Variants in FANK1 observed in about 807,000 individuals in gnomAD.
FANK1 encodes the protein fibronectin type III and ankyrin repeat domains 1.
In FANK1, 44 loss-of-function variants were observed where a neutral mutation model predicts 45.3. The ratio of observed to expected loss-of-function variants is 0.97; its 90% CI spans 0.76 to 1.25. The LOEUF is 1.25. FANK1 is among the 50% of genes most tolerant of loss of function. FANK1 has a pLI of 0.00. For missense variants in FANK1, 391 were observed against 424.4 expected (o/e 0.92, Z 0.69); for synonymous variants, 149 against 152.5 (o/e 0.98, Z 0.17).
intron 1 of FANK1, among the ~76,000 whole-genome samples, chr10:125,898,481 G>A (rs1341853253): frequency 6.6e-6 from 1 of 152,142 alleles, no homozygotes; most frequent in Non-Finnish European, 1.5e-5. Flanking sequence ...GTAGTACTGG[G>A]TCTGCAGAAT....
chr10:125,953,772 C>G (rs902977393), intron 1 of FANK1, among the ~76,000 whole-genome samples: 5 of 152,140 alleles, frequency 3.3e-5, no homozygotes, highest in Non-Finnish European at 1.5e-5. Flanking sequence ...GGGTTCAGGT[C>G]CTGGCCCTGC....
At chr10:125,985,659 A>G (rs191974961) in intron 2 of FANK1, among the ~76,000 whole-genome samples, 7 of 152,264 alleles carry the variant, frequency 4.6e-5, no homozygotes, top group Admixed American at 3.9e-4. Flanking sequence ...TGCATGACAA[A>G]CCAGCCCCAG....
chr10:126,009,505 G>A lies in FANK1; in HGVS notation c.*67G>A, dbSNP rs1953509604. 6.5e-7 allele frequency: 1 copy of A among 1,533,012 alleles called. No homozygotes were observed. The highest frequency in any genetic ancestry group is 1.4e-5 in the African/African-American group (1 of 72,364). 95.0% of individuals were successfully genotyped at this position (1,533,012 alleles called of 1,614,324 possible). ...GAACCGTGACTGTTAAACTAGGGATGGGAAATTCTGCATCTTGGGGGGCTG... is the reference window on the plus strand; with the variant it reads ...GAACCGTGACTGTTAAACTAGGGATAGGAAATTCTGCATCTTGGGGGGCTG... On this transcript the variant is annotated 3_prime_UTR_variant, in exon 11 of 11. Coordinates refer to ENST00000368693, the MANE Select transcript of FANK1 (RefSeq NM_145235.5).
At chr10:125,999,533 T>C (rs1474723896) in intron 6 of FANK1, among the ~76,000 whole-genome samples, 1 of 152,206 alleles carries the variant, frequency 6.6e-6, no homozygotes, top group African/African-American at 2.4e-5. Flanking sequence ...GATTGCAGCA[T>C]ACCAAGGTTT....
At chr10:126,004,177 AAAAG>A (rs1244289465) in intron 6 of FANK1, 5 of 150,762 alleles carry the variant, frequency 3.3e-5, no homozygotes, top group Admixed American at 6.6e-5. Flanking sequence ...AAAAAAAAAA[AAAAG>A]AAAATATTTA....
intron 2 of FANK1, among the ~76,000 whole-genome samples, chr10:125,986,489 G>T (rs1951565877): frequency 6.6e-6 from 1 of 152,172 alleles, no homozygotes; most frequent in Non-Finnish European, 1.5e-5. Flanking sequence ...GAATTATGAT[G>T]TTAGAGTTGT....
intron 1 of FANK1, among the ~76,000 whole-genome samples, chr10:125,945,043 T>C (rs1948686075): frequency 6.6e-6 from 1 of 152,218 alleles, no homozygotes; most frequent in African/African-American, 2.4e-5. Flanking sequence ...TAATACTGTA[T>C]GTTCCTTCTT....
chr10:126,003,542 A>AT (rs1253283287), intron 6 of FANK1, among the ~76,000 whole-genome samples: 3 of 151,482 alleles, frequency 2.0e-5, no homozygotes, highest in Admixed American at 6.6e-5. Flanking sequence ...AGGTTTCATT[A>AT]TTTTTTTTAG....
intron 6 of FANK1, among the ~76,000 whole-genome samples, chr10:125,997,936 A>G (rs1314147505): frequency 6.6e-6 from 1 of 152,254 alleles, no homozygotes; most frequent in Non-Finnish European, 1.5e-5. Flanking sequence ...AGAGACACCA[A>G]GAGCACTTTC....
intron 1 of FANK1, among the ~76,000 whole-genome samples, chr10:125,948,151 A>G (rs1948944401): frequency 6.8e-6 from 1 of 147,450 alleles, no homozygotes; most frequent in Non-Finnish European, 1.5e-5. Context: ...AAATGCCCAC[A>G]AGAGAAAGCA....
chr10:125,981,303 T>C (rs1951194843), intron 2 of FANK1, among the ~76,000 whole-genome samples: 1 of 152,040 alleles, frequency 6.6e-6, no homozygotes, highest in African/African-American at 2.4e-5. Context: ...AACCTGGATG[T>C]TCAAGACCAG....
chr10:125,951,205 A>G (rs1315990072), intron 1 of FANK1, among the ~76,000 whole-genome samples: 1 of 151,536 alleles, frequency 6.6e-6, no homozygotes, highest in East Asian at 1.9e-4. Flanking sequence ...TAACCTGCAC[A>G]ATGTGCACAT....
At chr10:125,911,401 A>G (rs550276632) in intron 1 of FANK1, among the ~76,000 whole-genome samples, 3 of 152,336 alleles carry the variant, frequency 2.0e-5, no homozygotes, top group Non-Finnish European at 2.9e-5. Context: ...CTGGGCTCAT[A>G]ATAAGATAAG....
At chr10:125,961,385 C>G (rs1247012958) in intron 1 of FANK1, among the ~76,000 whole-genome samples, 2 of 152,158 alleles carry the variant, frequency 1.3e-5, no homozygotes, top group African/African-American at 2.4e-5. Flanking sequence ...GCTGGGATTA[C>G]AGGCATGAGC....
intron 1 of FANK1, among the ~76,000 whole-genome samples, chr10:125,918,149 C>T (rs1946610064): frequency 6.6e-6 from 1 of 152,306 alleles, no homozygotes; most frequent in Non-Finnish European, 1.5e-5. Flanking sequence ...GGGCTTATTG[C>T]TTACTGGGTA....
chr10:125,995,562 A>G (rs1222700822), intron 4 of FANK1, 64 bp downstream of exon 4: 1 of 1,469,182 alleles, frequency 6.8e-7, no homozygotes, highest in Non-Finnish European at 9.5e-7. Flanking sequence ...AAATACATGC[A>G]GTAGTTTCAT....
At position 125,988,579 on chromosome 10, in the gene FANK1, G is replaced by A. The variant is rs1951718920; in HGVS notation, c.220G>A (p.Gly74Ser). 6.2e-7 allele frequency: 1 copy of A among 1,614,160 alleles called. No homozygotes were observed. Among genetic ancestry groups the A allele is most frequent in the Non-Finnish European group, 8.5e-7 (1 of 1,180,028 alleles). The stretch of plus-strand genomic sequence containing the variant: ...ATATGCAACGAAGCATGTTGTTGAA[G>A]GTCTGGAACCAAGGACGCTGTACAG... ...TGYATKHVVEGLEPRTLYRFR... is the reference protein window; with the variant it reads ...TGYATKHVVESLEPRTLYRFR... The change falls in exon 3 of 11, where the codon GGT becomes AGT. Residue 74 changes from glycine (G) to serine (S), a missense_variant. By Grantham distance (56) the Gly-to-Ser change is moderately conservative. Coordinates refer to ENST00000368693, the MANE Select transcript of FANK1 (RefSeq NM_145235.5).
intron 1 of FANK1, among the ~76,000 whole-genome samples, chr10:125,914,512 T>C (rs1003404652): frequency 6.6e-6 from 1 of 152,162 alleles, no homozygotes; most frequent in African/African-American, 2.4e-5. Flanking sequence ...CCTCAGTGAT[T>C]AGTGAAAAGG....
At chr10:125,960,823 C>T (rs1406096585) in intron 1 of FANK1, among the ~76,000 whole-genome samples, 3 of 152,214 alleles carry the variant, frequency 2.0e-5, no homozygotes, top group Non-Finnish European at 2.9e-5. Context: ...GCGTGAGCCA[C>T]TGTGCCCTGG....
Sources: allele counts gnomAD v4.1 joint callset (sites outside exome capture counted in the v4.1 genomes callset), GRCh38; gene constraint gnomAD v4.1.1; transcripts MANE v1.5; gene names NCBI Gene and HGNC (gene_info 2026-07-23, HGNC 2026-07-21).